Variants in STAU1 observed in about 807,000 individuals in gnomAD.
The protein encoded by STAU1 is staufen double-stranded RNA binding protein 1.
STAU1 carries 13 observed loss-of-function variants against 62.9 expected under a neutral mutation model. The ratio of observed to expected loss-of-function variants is 0.21; its 90% confidence interval spans 0.13 to 0.33. The LOEUF (loss-of-function observed/expected upper bound fraction) is 0.33. Ranked by LOEUF, STAU1 falls within the 10% of genes least tolerant of loss-of-function variation. The probability of loss-of-function intolerance (pLI) is 1.00; values close to 1 mark genes in which losing one functional copy is unlikely to be tolerated. For synonymous variants in STAU1, 269 were observed against 265.1 expected (o/e 1.01, Z -0.14); for missense variants, 571 against 712.1 (o/e 0.80, Z 2.25).
the STAU1 span, among the ~76,000 whole-genome samples, chr20:49,215,810 C>T: frequency 6.6e-6 from 1 of 151,584 alleles, no homozygotes; most frequent in Non-Finnish European, 1.5e-5. Context: ...AGTTTGAGAC[C>T]AGACTGGCCA....
chr20:49,130,880 G>A (rs1163392233), intron 6 of STAU1, among the ~76,000 whole-genome samples: 2 of 151,928 alleles, frequency 1.3e-5, no homozygotes, highest in African/African-American at 4.8e-5. Context: ...AGAGGTTGCA[G>A]TGAGCTGAGA....
At chr20:49,195,894 C>CTG in the STAU1 span, among the ~76,000 whole-genome samples, 1 of 59,740 alleles carries the variant, frequency 1.7e-5, no homozygotes, top group Non-Finnish European at 3.6e-5. Flanking sequence ...GTGAAACTTC[C>CTG]TCTCAAAAAA....
chr20:49,201,599 G>T, the STAU1 span, among the ~76,000 whole-genome samples: 6 of 151,918 alleles, frequency 3.9e-5, no homozygotes, highest in African/African-American at 1.5e-4. Context: ...AAAATTAGCC[G>T]GGCGTTGTGG....
At chr20:49,158,462 T>C (rs1215054926) in intron 3 of STAU1, 14 of 1,304,690 alleles carry the variant, frequency 1.1e-5, no homozygotes, top group Non-Finnish European at 1.4e-5. Context: ...TTCTTGTAGG[T>C]CTTACTTTTA....
chr20:49,133,741 C>T (rs2092805825), intron 6 of STAU1, among the ~76,000 whole-genome samples: 1 of 152,190 alleles, frequency 6.6e-6, no homozygotes, highest in South Asian at 2.1e-4. Flanking sequence ...TGCTCTTACC[C>T]ACTGAGGGTG....
At chr20:49,211,097 T>C in the STAU1 span, among the ~76,000 whole-genome samples, 1 of 152,196 alleles carries the variant, frequency 6.6e-6, no homozygotes, top group Non-Finnish European at 1.5e-5. Flanking sequence ...TCTGGCTTCT[T>C]CTACTTAGTA....
In STAU1 at chr20:49,158,904, A is replaced by AAAATAAATAAATAAAT. The variant is rs376969682; in HGVS notation, c.206-4849_206-4834dup. The stretch of plus-strand genomic sequence containing the variant: ...GGCCACAGAATGAGACTCCATCTCA[A>AAAATAAATAAATAAAT]AAATAAATAAATAAATAAATAAATA... On this transcript the variant is annotated intron_variant, in intron 3 of 13. Transcript: ENST00000371856. 4.6e-3 allele frequency: 5,330 copies of AAAATAAATAAATAAAT among 1,167,074 alleles called. 27 individuals are homozygous for AAAATAAATAAATAAAT. Among genetic ancestry groups the AAAATAAATAAATAAAT allele is most frequent in the Non-Finnish European group, 5.4e-3 (4,741 of 883,556 alleles). The allele number at this position is 1,167,074 out of a possible 1,614,324, so 72.3% of individuals were successfully genotyped here. A position where few individuals can be genotyped will look rare whatever the true frequency, so the allele number is the denominator to read the frequency against.
chr20:49,120,249 G>A (rs918524205), intron 8 of STAU1, 121 bp from the exon 9 acceptor site: 18 of 1,136,372 alleles, frequency 1.6e-5, no homozygotes, highest in African/African-American at 1.4e-4. Flanking sequence ...GCAGTGCCCC[G>A]AACCTGGCCT....
At chr20:49,152,687 A>G (rs1044736770) in intron 4 of STAU1, among the ~76,000 whole-genome samples, 1 of 152,126 alleles carries the variant, frequency 6.6e-6, no homozygotes, top group Admixed American at 6.5e-5. Flanking sequence ...AATCCATGGC[A>G]TTTTCAGGTT....
At chr20:49,124,224 G>T in intron 7 of STAU1, 151 bp downstream of exon 7, 1 of 742,572 alleles carries the variant, frequency 1.3e-6, no homozygotes, top group Non-Finnish European at 2.3e-6. Flanking sequence ...CTAACAGGTG[G>T]CTCTTGCAGC....
intron 2 of STAU1, among the ~76,000 whole-genome samples, chr20:49,170,753 A>G (rs973134288): frequency 2.6e-5 from 4 of 151,772 alleles, no homozygotes; most frequent in Admixed American, 6.6e-5. Context: ...CTCCTTCATA[A>G]TAAGTGATAT....
intron 5 of STAU1, among the ~76,000 whole-genome samples, chr20:49,144,071 T>C (rs1600714325): frequency 2.0e-5 from 3 of 152,362 alleles, no homozygotes; most frequent in East Asian, 3.9e-4. Context: ...AGCCATTTCC[T>C]TGCTCCATTA....
intron 13 of STAU1, among the ~76,000 whole-genome samples, chr20:49,115,340 G>A (rs952353964): frequency 7.9e-5 from 12 of 151,948 alleles, no homozygotes; most frequent in East Asian, 7.7e-4. Flanking sequence ...TTGCTCTGTC[G>A]CCCAGGCTGG....
the STAU1 span, among the ~76,000 whole-genome samples, chr20:49,197,406 CTT>C: frequency 6.1e-4 from 85 of 139,316 alleles, no homozygotes; most frequent in African/African-American, 1.3e-3. Flanking sequence ...TTTTTCTTTT[CTT>C]TTTTTTTTTT....
At chr20:49,179,467 T>C (rs1186316060) in intron 1 of STAU1, among the ~76,000 whole-genome samples, 2 of 152,228 alleles carry the variant, frequency 1.3e-5, no homozygotes, top group Non-Finnish European at 2.9e-5. Context: ...TAACTATATT[T>C]GACTGTCATC....
chr20:49,126,574 C>CAAAAAAAAAAAAAAAAAAAA (rs58056780), intron 6 of STAU1, among the ~76,000 whole-genome samples: 1 of 25,030 alleles, frequency 4.0e-5, no homozygotes, highest in Non-Finnish European at 8.1e-5. Flanking sequence ...TCTCAAAAAG[C>CAAAAAAAAAAAAAAAAAAAA]AAAAAAAAAA....
intron 5 of STAU1, among the ~76,000 whole-genome samples, chr20:49,150,281 G>C (rs1162226243): frequency 6.6e-6 from 1 of 152,082 alleles, no homozygotes; most frequent in African/African-American, 2.4e-5. Context: ...ATCTGGAAAT[G>C]GGATTCTCCA....
chr20:49,131,090 A>G (rs1288793561), intron 6 of STAU1, among the ~76,000 whole-genome samples: 1 of 152,160 alleles, frequency 6.6e-6, no homozygotes, highest in Non-Finnish European at 1.5e-5. Flanking sequence ...CCTGCCAAAA[A>G]ACACATAACC....
At chr20:49,131,264 T>C (rs1053493115) in intron 6 of STAU1, among the ~76,000 whole-genome samples, 1 of 152,162 alleles carries the variant, frequency 6.6e-6, no homozygotes, top group African/African-American at 2.4e-5. Context: ...GTCAGCTAAA[T>C]GTAAGGTGTG....
Sources: allele counts gnomAD v4.1 joint callset (sites outside exome capture counted in the v4.1 genomes callset), GRCh38; gene constraint gnomAD v4.1.1; transcripts MANE v1.5; gene names NCBI Gene and HGNC (gene_info 2026-07-23, HGNC 2026-07-21).